GALNT10: variants seen among roughly 807,000 people sequenced by gnomAD.
GALNT10 encodes GalNAc transferase 10.
Under a neutral mutation model 75.0 loss-of-function variants are expected in GALNT10, and 41 were observed. The ratio of observed to expected loss-of-function variants is 0.55; its 90% CI spans 0.43 to 0.71. The LOEUF is 0.71. Ranked by LOEUF, GALNT10 falls within the 30% of genes least tolerant of loss-of-function variation. The pLI, the probability that GALNT10 is intolerant of heterozygous loss-of-function variation, is 0.00. For missense variants in GALNT10, 727 were observed against 818.5 expected (o/e 0.89, Z 1.36); for synonymous variants, 302 against 313.0 (o/e 0.96, Z 0.37).
At chr5:154,224,444 A>G (rs1260811352) in intron 1 of GALNT10, among the ~76,000 whole-genome samples, 1 of 152,182 alleles carries the variant, frequency 6.6e-6, no homozygotes, top group Non-Finnish European at 1.5e-5. Flanking sequence ...TGCATACTTC[A>G]TTGCTCTCAG....
intron 1 of GALNT10, among the ~76,000 whole-genome samples, chr5:154,230,949 A>C (rs1753141112): frequency 6.6e-6 from 1 of 152,236 alleles, no homozygotes; most frequent in Admixed American, 6.5e-5. Flanking sequence ...TTTTTTGTTC[A>C]TGTGACTTCA....
At chr5:154,397,455 A>T (rs2113203528) in intron 7 of GALNT10, among the ~76,000 whole-genome samples, 1 of 152,234 alleles carries the variant, frequency 6.6e-6, no homozygotes, top group Non-Finnish European at 1.5e-5. Context: ...ACCTCATTTT[A>T]GCCTCACCAC....
chr5:154,292,373 A>G (rs1461587750), intron 1 of GALNT10, among the ~76,000 whole-genome samples: 2 of 152,188 alleles, frequency 1.3e-5, no homozygotes, highest in Non-Finnish European at 2.9e-5. Flanking sequence ...TCCTCTTCAG[A>G]TACAACACTT....
At chr5:154,228,331 A>G (rs1252367394) in intron 1 of GALNT10, among the ~76,000 whole-genome samples, 2 of 152,210 alleles carry the variant, frequency 1.3e-5, no homozygotes, top group African/African-American at 4.8e-5. Flanking sequence ...TGAGTAGACT[A>G]TCATTTCTCC....
chr5:154,297,187 C>T (rs1004590034), intron 2 of GALNT10, among the ~76,000 whole-genome samples: 11 of 152,314 alleles, frequency 7.2e-5, no homozygotes, highest in African/African-American at 2.4e-4. Context: ...GAGTATCACA[C>T]TCCTTCTCCA....
chr5:154,297,528 G>C (rs546482279), intron 2 of GALNT10, among the ~76,000 whole-genome samples: 1 of 152,288 alleles, frequency 6.6e-6, no homozygotes, highest in African/African-American at 2.4e-5. Flanking sequence ...AGAGCTGGTG[G>C]GACTTGGCCC....
At chr5:154,229,681 CGAG>C (rs1209808303) in intron 1 of GALNT10, among the ~76,000 whole-genome samples, 1 of 151,822 alleles carries the variant, frequency 6.6e-6, no homozygotes, top group Non-Finnish European at 1.5e-5. Context: ...TGCGGTGAGC[CGAG>C]AATGCGCCAC....
At chr5:154,407,811 T>C (rs1756313398) in intron 8 of GALNT10, among the ~76,000 whole-genome samples, 1 of 152,222 alleles carries the variant, frequency 6.6e-6, no homozygotes, top group Non-Finnish European at 1.5e-5. Context: ...TCTAACCCAC[T>C]GTGGACTCTT....
intron 1 of GALNT10, among the ~76,000 whole-genome samples, chr5:154,213,181 T>TCAAA (rs1752799562): frequency 6.6e-6 from 1 of 152,204 alleles, no homozygotes; most frequent in South Asian, 2.1e-4. Flanking sequence ...CAGCTCACAG[T>TCAAA]CAAACACAGC....
chr5:154,394,929 A>G (rs1755985104), intron 7 of GALNT10, among the ~76,000 whole-genome samples: 1 of 152,226 alleles, frequency 6.6e-6, no homozygotes, highest in Admixed American at 6.5e-5. Flanking sequence ...CAGCCTTTGC[A>G]AGAGCCGTCT....
At position 154,190,761 on chromosome 5, in the gene GALNT10, G is replaced by C. The variant is rs1774842535; in HGVS notation, c.-106G>C. ...TTGGAGCGGGGCCGGCGCCGCAGCC[G>C]CTTCTGCTGGCTGAGCTGCTGCCGC... On this transcript the variant is annotated 5_prime_UTR_variant, in exon 1 of 12. Transcript: ENST00000297107. 1.5e-5 allele frequency: 6 copies of C among 399,704 alleles called. No homozygotes were observed. Among genetic ancestry groups the C allele is most frequent in the Non-Finnish European group, 2.0e-5 (6 of 296,278 alleles). 24.8% of individuals were successfully genotyped at this position (399,704 alleles called of 1,614,324 possible). A position where few individuals can be genotyped will look rare whatever the true frequency, so the allele number is the denominator to read the frequency against.
chr5:154,215,339 C>T (rs901825977), intron 1 of GALNT10, among the ~76,000 whole-genome samples: 13 of 152,168 alleles, frequency 8.5e-5, no homozygotes, highest in African/African-American at 2.6e-4. Context: ...AAAAATTAGC[C>T]GGGTGTGGTG....
Position 154,417,167 on chromosome 5 carries a change from G to A in GALNT10, c.*195G>A, listed in dbSNP as rs185759146. The A allele has an allele frequency of 5.6e-4, 332 of 588,052 alleles. 2 individuals are homozygous for A. In the Middle Eastern group the frequency reaches 6.8e-3, roughly 12 times the overall value. The allele number at this position is 588,052 out of a possible 1,614,324, so 36.4% of individuals were successfully genotyped here. On this transcript the variant is annotated 3_prime_UTR_variant, in exon 12 of 12. Coordinates refer to ENST00000297107, the MANE Select transcript of GALNT10 (RefSeq NM_198321.4). ...CCCTGAGTTGTGGGGGTAGGGTGAA[G>A]AGCATATCCCACAAGAGGCCCCACA...
At chr5:154,263,350 A>G (rs1476253746) in intron 1 of GALNT10, among the ~76,000 whole-genome samples, 3 of 152,198 alleles carry the variant, frequency 2.0e-5, no homozygotes, top group African/African-American at 4.8e-5. Flanking sequence ...ACACTACAAC[A>G]TGGATGAACC....
intron 7 of GALNT10, among the ~76,000 whole-genome samples, chr5:154,398,557 T>C (rs372193235): frequency 1.3e-5 from 2 of 152,128 alleles, no homozygotes; most frequent in Admixed American, 6.6e-5. Context: ...GGGATGGAGA[T>C]AGCAGGAAGT....
chr5:154,256,320 T>G (rs1469350997), intron 1 of GALNT10, among the ~76,000 whole-genome samples: 5 of 149,290 alleles, frequency 3.3e-5, no homozygotes, highest in African/African-American at 1.2e-4. Flanking sequence ...TTAAGAGAAC[T>G]TTCTGGATTT....
chr5:154,265,230 G>A (rs919863375), intron 1 of GALNT10, among the ~76,000 whole-genome samples: 1 of 152,168 alleles, frequency 6.6e-6, no homozygotes, highest in Non-Finnish European at 1.5e-5. Context: ...AATCAGCAGG[G>A]TGTCATGCAG....
chr5:154,287,468 C>T (rs2113063966), intron 1 of GALNT10: 1 of 152,316 alleles, frequency 6.6e-6, no homozygotes, highest in South Asian at 2.1e-4. Flanking sequence ...TCTCAGGTTC[C>T]TGTCAAAGAC....
chr5:154,239,174 T>A (rs1356180275), intron 1 of GALNT10, among the ~76,000 whole-genome samples: 1 of 152,218 alleles, frequency 6.6e-6, no homozygotes, highest in African/African-American at 2.4e-5. Context: ...CAAGTCTTTC[T>A]GAGATAACTC....
Sources: gnomAD v4.1 joint callset for allele counts (sites outside exome capture counted in the v4.1 genomes callset) on GRCh38, gnomAD v4.1.1 for gene constraint, MANE v1.5 for transcripts, NCBI Gene and HGNC (gene_info 2026-07-23, HGNC 2026-07-21) for gene names.